AMPH: variants seen among roughly 807,000 people sequenced by gnomAD.
The protein encoded by AMPH is amphiphysin (Stiff-Mann syndrome with breast cancer 128kD autoantigen).
AMPH carries 49 observed loss-of-function variants against 99.1 expected under a neutral mutation model. That is an observed-to-expected ratio of 0.49 (90% CI 0.39 to 0.63). AMPH has a LOEUF of 0.63. Among genes scored for constraint, AMPH ranks in the 20% least tolerant of loss-of-function variants. AMPH has a pLI of 0.00. For missense variants in AMPH, 759 were observed against 863.4 expected, an observed-to-expected ratio of 0.88 and a Z score of 1.52; for synonymous variants, 314 against 317.3, an observed-to-expected ratio of 0.99 and a Z score of 0.11.
At chr7:38,614,584 T>G (rs1793805854) in intron 1 of AMPH, among the ~76,000 whole-genome samples, 1 of 152,218 alleles carries the variant, frequency 6.6e-6, no homozygotes, top group Non-Finnish European at 1.5e-5. Flanking sequence ...TTTCTCAGTC[T>G]GTAAGGTCAT....
intron 2 of AMPH, among the ~76,000 whole-genome samples, chr7:38,509,363 C>T (rs1789452286): frequency 6.6e-6 from 1 of 152,130 alleles, no homozygotes; most frequent in African/African-American, 2.4e-5. Context: ...ATCCCTGTCA[C>T]CAATTCCAGG....
intron 17 of AMPH, among the ~76,000 whole-genome samples, chr7:38,401,780 C>T (rs1303606704): frequency 6.6e-6 from 1 of 151,982 alleles, no homozygotes; most frequent in Non-Finnish European, 1.5e-5. Flanking sequence ...GTAGTCTCTC[C>T]CCATTAAGTT....
rs1197566103 is a variant in AMPH, at chr7:38,516,214, G to T, written c.151-12510C>A. ...AGACAATGGGGAAAATGCCTTGAAG[G>T]CATTTTTTTTCAGAGACCTTCTTGG... is the stretch of plus-strand genomic sequence containing the variant. On this transcript the variant is annotated intron_variant, in intron 2 of 20. Coordinates refer to ENST00000356264, the MANE Select transcript of AMPH (RefSeq NM_001635.4). Among the ~76,000 whole-genome samples, 3 of 152,200 alleles carry T rather than the reference G, an allele frequency of 2.0e-5. No homozygotes were observed. In the East Asian group the frequency reaches 5.8e-4, roughly 29 times the overall value.
chr7:38,448,381 G>A (rs984465558), intron 11 of AMPH, among the ~76,000 whole-genome samples: 9 of 152,156 alleles, frequency 5.9e-5, no homozygotes, highest in Non-Finnish European at 8.8e-5. Flanking sequence ...AAGATCCCCA[G>A]GGGATGCCTG....
intron 1 of AMPH, among the ~76,000 whole-genome samples, chr7:38,563,182 C>G (rs116411470): frequency 0.011 from 1,655 of 151,110 alleles, 30 homozygotes; most frequent in African/African-American, 0.038. Context: ...TGGATAACTA[C>G]TTTCCATGGT....
intron 2 of AMPH, among the ~76,000 whole-genome samples, chr7:38,517,756 G>A (rs1428819670): frequency 1.3e-5 from 2 of 152,154 alleles, no homozygotes; most frequent in South Asian, 2.1e-4. Context: ...AAAAAGATTT[G>A]AAAATTCACA....
At chr7:38,507,715 C>G (rs929417127) in intron 2 of AMPH, among the ~76,000 whole-genome samples, 1 of 152,144 alleles carries the variant, frequency 6.6e-6, no homozygotes, top group Admixed American at 6.6e-5. Context: ...AAGTTCTACA[C>G]CCTTGAGATT....
chr7:38,412,776 C>G (rs1785251161), intron 17 of AMPH, among the ~76,000 whole-genome samples: 2 of 152,202 alleles, frequency 1.3e-5, no homozygotes, highest in African/African-American at 4.8e-5. Flanking sequence ...AAGGAGGACG[C>G]AGCTGAGAGG....
At chr7:38,465,345 C>A in intron 9 of AMPH, 122 bp downstream of exon 9, 1 of 772,574 alleles carries the variant, frequency 1.3e-6, no homozygotes, top group South Asian at 2.2e-5. Flanking sequence ...GTGTCAGCTT[C>A]TAGGGTGAAA....
chr7:38,540,021 G>A (rs1790752713), intron 1 of AMPH, among the ~76,000 whole-genome samples: 1 of 152,124 alleles, frequency 6.6e-6, no homozygotes, highest in African/African-American at 2.4e-5. Flanking sequence ...CCACTCCTTT[G>A]GCAGTGTTGA....
chr7:38,609,344 G>A (rs560513019), intron 1 of AMPH, among the ~76,000 whole-genome samples: 53 of 152,188 alleles, frequency 3.5e-4, no homozygotes, highest in African/African-American at 9.4e-4. Flanking sequence ...AAAGGCCCTC[G>A]AAGTCACCCT....
intron 15 of AMPH, among the ~76,000 whole-genome samples, chr7:38,422,757 T>G (rs1017247942): frequency 6.6e-6 from 1 of 152,106 alleles, no homozygotes; most frequent in Non-Finnish European, 1.5e-5. Flanking sequence ...TAGCTAGAAG[T>G]ACAGGCGCAC....
At chr7:38,390,985 G>T (rs1038361804) in intron 19 of AMPH, among the ~76,000 whole-genome samples, 1 of 58,518 alleles carries the variant, frequency 1.7e-5, no homozygotes, top group African/African-American at 8.3e-5. Flanking sequence ...GAGAGAGAGA[G>T]AGAGAGAGAG....
intron 1 of AMPH, among the ~76,000 whole-genome samples, chr7:38,614,180 T>C (rs1793787540): frequency 1.3e-5 from 2 of 152,240 alleles, no homozygotes; most frequent in Admixed American, 6.5e-5. Flanking sequence ...TGAAATGCTA[T>C]CATTTATCAT....
At chr7:38,441,759 A>G (rs141715815) in intron 11 of AMPH, among the ~76,000 whole-genome samples, 6 of 123,048 alleles carry the variant, frequency 4.9e-5, no homozygotes, top group South Asian at 5.0e-4. Flanking sequence ...TCATATATAT[A>G]TCATATATAT....
chr7:38,511,591 G>T (rs1164209574), intron 2 of AMPH, among the ~76,000 whole-genome samples: 1 of 152,062 alleles, frequency 6.6e-6, no homozygotes, highest in Non-Finnish European at 1.5e-5. Flanking sequence ...AAGGAAAAAA[G>T]AATAAGTTCA....
chr7:38,489,405 GA>G (rs1388417801), intron 5 of AMPH, among the ~76,000 whole-genome samples: 4 of 147,576 alleles, frequency 2.7e-5, no homozygotes, highest in East Asian at 1.9e-4. Flanking sequence ...AAGAAAAGTT[GA>G]GGGGGGGGGA....
chr7:38,451,387 TATATAC>T (rs1787026112), intron 11 of AMPH, among the ~76,000 whole-genome samples: 1 of 151,436 alleles, frequency 6.6e-6, no homozygotes, highest in African/African-American at 2.4e-5. Flanking sequence ...TACACATGTA[TATATAC>T]ATATACGTGT....
At chr7:38,606,250 C>T (rs1442624107) in intron 1 of AMPH, among the ~76,000 whole-genome samples, 1 of 152,040 alleles carries the variant, frequency 6.6e-6, no homozygotes, top group Non-Finnish European at 1.5e-5. Flanking sequence ...CATTGTAACC[C>T]TTTTTAAATG....
Sources: allele counts gnomAD v4.1 joint callset (sites outside exome capture counted in the v4.1 genomes callset), GRCh38; gene constraint gnomAD v4.1.1; transcripts MANE v1.5; gene names NCBI Gene and HGNC (gene_info 2026-07-23, HGNC 2026-07-21).